The following GALNT14 variants were observed in gnomAD, a reference collection of about 807,000 sequenced individuals.
GALNT14 encodes the protein polypeptide N-acetylgalactosaminyltransferase 14, also known as UDP-GalNAc:polypeptide N-acetylgalactosaminyltransferase 14.
Under a neutral mutation model 77.5 loss-of-function variants are expected in GALNT14, and 60 were observed. The observed-to-expected ratio is 0.77, with a 90% confidence interval of 0.63 to 0.96. The LOEUF (loss-of-function observed/expected upper bound fraction) is 0.96, where lower values mean the gene tolerates loss of function less well. GALNT14 is among the 40% of genes least tolerant of loss of function. GALNT14 has a pLI of 0.00. For synonymous variants in GALNT14, 280 were observed against 281.7 expected (o/e 0.99, Z 0.06); for missense variants, 710 against 731.0 (o/e 0.97, Z 0.33).
intron 9 of GALNT14, among the ~76,000 whole-genome samples, chr2:30,937,085 A>C (rs1305407063): frequency 6.6e-6 from 1 of 152,190 alleles, no homozygotes; most frequent in African/African-American, 2.4e-5. Flanking sequence ...ACTTGCTATC[A>C]CACTTGTATG....
At chr2:30,925,465 A>G (rs2148234646) in intron 11 of GALNT14, among the ~76,000 whole-genome samples, 1 of 152,334 alleles carries the variant, frequency 6.6e-6, no homozygotes. Flanking sequence ...TGTCGGGTCC[A>G]TGGTGGTCAA....
chr2:30,994,242 C>G (rs1355816805), intron 1 of GALNT14, among the ~76,000 whole-genome samples: 1 of 152,186 alleles, frequency 6.6e-6, no homozygotes, highest in Non-Finnish European at 1.5e-5. Context: ...GTGTCTCAAG[C>G]TGCATGGGTA....
intron 1 of GALNT14, chr2:31,078,866 G>A (rs1030877804): frequency 7.9e-7 from 1 of 1,263,702 alleles, no homozygotes; most frequent in Non-Finnish European, 1.0e-6. Flanking sequence ...GGAGAGCAGG[G>A]GAAAGTAGGG....
intron 6 of GALNT14, among the ~76,000 whole-genome samples, chr2:30,955,393 A>G (rs1667300538): frequency 6.6e-6 from 1 of 152,170 alleles, no homozygotes; most frequent in Admixed American, 6.5e-5. Context: ...TATGGGTGAC[A>G]GTCCCAGTCA....
At position 30,912,184 on chromosome 2, in the gene GALNT14, C is replaced by T. The variant is rs376373166; in HGVS notation, c.1500+39G>A. ...AAGCCCTCAACAGGCAGTCACATTA[C>T]GGAGTTGGCCACATCCCAGGGACCT... On this transcript the variant is annotated intron_variant, in intron 14 of 14. Coordinates refer to ENST00000349752, the MANE Select transcript of GALNT14 (RefSeq NM_024572.4). The T allele has an allele frequency of 5.7e-5, 92 of 1,609,950 alleles. No homozygotes were observed. The African/African-American group carries it at 1.1e-3, about 18-fold the overall frequency.
chr2:31,129,291 G>A, intron 1 of GALNT14: 2 of 734,894 alleles, frequency 2.7e-6, no homozygotes, highest in Non-Finnish European at 3.3e-6. Context: ...CAAAGTCGCA[G>A]TAAGGATCAA....
rs774856872 is a variant in GALNT14, at chr2:30,955,744, A to G, written c.533-5T>C. The G allele has an allele frequency of 1.2e-6, 2 of 1,614,034 alleles. No homozygotes were observed. Among genetic ancestry groups the G allele is most frequent in the Non-Finnish European group, 1.7e-6 (2 of 1,180,006 alleles). ...GAATCCGGGACCGGACCAGACCTGCAGTCAGGAACAAATGACGAAGTGGGT... is the reference window on the plus strand; with the variant it reads ...GAATCCGGGACCGGACCAGACCTGCGGTCAGGAACAAATGACGAAGTGGGT... On this transcript the variant is annotated splice_polypyrimidine_tract_variant and splice_region_variant and intron_variant, in intron 5 of 14. Transcript: ENST00000349752.
downstream of GALNT14, among the ~76,000 whole-genome samples, chr2:30,906,259 A>T (rs1285290918): frequency 2.0e-5 from 3 of 151,618 alleles, no homozygotes; most frequent in Admixed American, 2.0e-4. Flanking sequence ...TAAAAGACAC[A>T]GACTGGCAAA....
chr2:31,117,028 ACT>A (rs1479174430), intron 1 of GALNT14, among the ~76,000 whole-genome samples: 1 of 151,830 alleles, frequency 6.6e-6, no homozygotes, highest in Non-Finnish European at 1.5e-5. Context: ...CAAGAGCGAA[ACT>A]CTATCTCAGA....
chr2:31,126,370 C>T (rs2148645303), intron 1 of GALNT14, among the ~76,000 whole-genome samples: 1 of 152,208 alleles, frequency 6.6e-6, no homozygotes, highest in African/African-American at 2.4e-5. Context: ...AGGGTGGGTG[C>T]TCTGGAGGCA....
chr2:31,135,779 C>T (rs189455885), intron 1 of GALNT14, among the ~76,000 whole-genome samples: 16 of 152,262 alleles, frequency 1.1e-4, no homozygotes, highest in African/African-American at 3.9e-4. Flanking sequence ...CTTATGTGGC[C>T]CCCCACCCCC....
At chr2:31,059,084 GT>G (rs1304528548) in intron 1 of GALNT14, among the ~76,000 whole-genome samples, 1 of 152,142 alleles carries the variant, frequency 6.6e-6, no homozygotes, top group Non-Finnish European at 1.5e-5. Context: ...AATAATTTCA[GT>G]AAAAAGCACA....
chr2:30,990,759 T>G (rs1259716146), intron 2 of GALNT14, among the ~76,000 whole-genome samples: 1 of 152,222 alleles, frequency 6.6e-6, no homozygotes, highest in Admixed American at 6.5e-5. Flanking sequence ...AGTAAGTTCT[T>G]TAAGTGTGAA....
chr2:30,927,647 G>T (rs569479788), intron 11 of GALNT14, among the ~76,000 whole-genome samples: 1 of 152,208 alleles, frequency 6.6e-6, no homozygotes, highest in Non-Finnish European at 1.5e-5. Context: ...GAAGTTAATG[G>T]GTTGGTTTGT....
the GALNT14 span, among the ~76,000 whole-genome samples, chr2:30,901,824 A>G: frequency 1.3e-5 from 2 of 152,120 alleles, no homozygotes; most frequent in East Asian, 3.9e-4. Context: ...ACACCTGGCC[A>G]CTTCCTCACC....
chr2:30,973,426 A>G (rs887796038), intron 2 of GALNT14, among the ~76,000 whole-genome samples: 1 of 152,228 alleles, frequency 6.6e-6, no homozygotes, highest in Non-Finnish European at 1.5e-5. Context: ...AACGTCAGTT[A>G]TCTCAGCACT....
chr2:31,018,752 G>A (rs1363658196), intron 1 of GALNT14, among the ~76,000 whole-genome samples: 2 of 152,194 alleles, frequency 1.3e-5, no homozygotes, highest in African/African-American at 4.8e-5. Context: ...GAGGAAATTT[G>A]TGCAGGTTCT....
intron 6 of GALNT14, among the ~76,000 whole-genome samples, chr2:30,954,689 T>C (rs1667248911): frequency 6.6e-6 from 1 of 152,198 alleles, no homozygotes; most frequent in Non-Finnish European, 1.5e-5. Context: ...ACAATGTCAT[T>C]ATGCAGGTAG....
rs377083062 is a variant in GALNT14 at position 30,971,577 on chromosome 2, C to T, written c.300-5275G>A. On this transcript the variant is annotated intron_variant, in intron 2 of 14. Coordinates refer to ENST00000349752, the MANE Select transcript of GALNT14 (RefSeq NM_024572.4). ...ACTCAGTGAAGACTCTCAATTTTCC[C>T]CAACTTGAACTGGGGCTCCAAGGGC... is the stretch of plus-strand genomic sequence containing the variant. Among the ~76,000 whole-genome samples, 4 of 152,242 alleles carry T rather than the reference C, an allele frequency of 2.6e-5. No homozygotes were observed. In the East Asian group the frequency reaches 7.7e-4, roughly 29 times the overall value.
Sources: gnomAD v4.1 joint callset for allele counts (sites outside exome capture counted in the v4.1 genomes callset) on GRCh38, gnomAD v4.1.1 for gene constraint, MANE v1.5 for transcripts, NCBI Gene and HGNC (gene_info 2026-07-23, HGNC 2026-07-21) for gene names.